MEMO1: variants seen among roughly 807,000 people sequenced by gnomAD.
The protein encoded by MEMO1 is protein MEMO1.
A neutral mutation model predicts 45.2 loss-of-function variants in MEMO1; 6 were observed. That is an observed-to-expected ratio of 0.13 (90% CI 0.07 to 0.26). MEMO1 has a LOEUF of 0.26. Among genes scored for constraint, MEMO1 ranks in the 10% least tolerant of loss-of-function variants. MEMO1 has a pLI of 1.00. For synonymous variants in MEMO1, 78 were observed against 124.3 expected (o/e 0.63, Z 2.48); for missense variants, 184 against 370.5 (o/e 0.50, Z 4.13).
chr2:31,995,475 CA>C (rs1213323409), intron 2 of MEMO1, among the ~76,000 whole-genome samples: 1 of 151,788 alleles, frequency 6.6e-6, no homozygotes, highest in Non-Finnish European at 1.5e-5. Context: ...ATAAGACAAT[CA>C]AATGGAATAT....
intron 2 of MEMO1, among the ~76,000 whole-genome samples, chr2:31,969,839 TCCCA>T (rs570720485): frequency 8.4e-4 from 127 of 151,594 alleles, no homozygotes; most frequent in Admixed American, 2.0e-3. Context: ...CAAGCAATCC[TCCCA>T]CCTTGGCCCC....
rs146179291 is a variant in MEMO1 at position 31,912,251 on chromosome 2, G to A, written c.437+5675C>T. ...CTTGGGAGGCTGAGGCAGGAGAATC[G>A]CTTGAACCTGGGAGGTGGGGGTTGC... On this transcript the variant is annotated intron_variant, in intron 6 of 9. Coordinates refer to ENST00000404530, the MANE Select transcript of MEMO1 (RefSeq NM_001301833.4). 3.1e-3 allele frequency among the ~76,000 whole-genome samples: 467 copies of A among 151,940 alleles called. 2 individuals are homozygous for A. The highest frequency in any genetic ancestry group is 8.4e-3 in the African/African-American group (349 of 41,450).
Position 31,943,379 on chromosome 2 carries a change from C to A in MEMO1, c.66G>T (p.Pro22=). Residue 22 remains proline (P), a synonymous_variant, in exon 3 of 10, where the codon CCG becomes CCT. Coordinates refer to ENST00000404530, the MANE Select transcript of MEMO1 (RefSeq NM_001301833.4). The part of the protein sequence containing the change: ...HAGSWYTASG[P]QLNAQLEGWL... The stretch of plus-strand genomic sequence containing the variant: ...AACCTTCTAGCTGTGCATTCAGCTG[C>A]GGTCCTATAAAAAGACAAAGACAAA... The A allele has an allele frequency of 1.9e-6, 3 of 1,611,474 alleles. No individual in the cohort carries two copies. The highest frequency in any genetic ancestry group is 4.5e-5 in the East Asian group (2 of 44,874).
intron 2 of MEMO1, among the ~76,000 whole-genome samples, chr2:31,969,779 T>TC (rs1669164298): frequency 9.0e-6 from 1 of 111,120 alleles, no homozygotes; most frequent in Non-Finnish European, 1.9e-5. Flanking sequence ...CCAACTAACT[T>TC]TTTTTTTTTT....
chr2:31,875,185 C>G (rs1242144549), intron 8 of MEMO1, among the ~76,000 whole-genome samples: 1 of 151,968 alleles, frequency 6.6e-6, no homozygotes, highest in Non-Finnish European at 1.5e-5. Flanking sequence ...TAATATGAAG[C>G]AAATACTCAA....
chr2:31,964,627 G>T (rs1668397708), intron 2 of MEMO1, among the ~76,000 whole-genome samples: 3 of 152,090 alleles, frequency 2.0e-5, no homozygotes, highest in Admixed American at 6.6e-5. Context: ...CTTGCACCTG[G>T]GAGGCGGAGG....
intron 8 of MEMO1, among the ~76,000 whole-genome samples, chr2:31,881,605 G>A (rs957105828): frequency 8.0e-5 from 12 of 150,442 alleles, no homozygotes; most frequent in Non-Finnish European, 1.3e-4. Context: ...AAGGACAAAT[G>A]AAGAGAAAAA....
At chr2:31,924,365 C>G (rs901663404) in intron 4 of MEMO1, among the ~76,000 whole-genome samples, 1 of 151,698 alleles carries the variant, frequency 6.6e-6, no homozygotes, top group African/African-American at 2.4e-5. Context: ...GCCACTTTCT[C>G]TTCCTTTATT....
At chr2:31,883,559 C>G in intron 7 of MEMO1, 97 bp from the exon 8 acceptor site, 1 of 828,126 alleles carries the variant, frequency 1.2e-6, no homozygotes, top group Non-Finnish European at 1.9e-6. Flanking sequence ...TCATGAAAGG[C>G]AAAGCACAGC....
At chr2:31,961,155 C>T (rs970034067) in intron 2 of MEMO1, among the ~76,000 whole-genome samples, 39 of 151,930 alleles carry the variant, frequency 2.6e-4, no homozygotes, top group Non-Finnish European at 4.4e-5. Context: ...GTCAGGAGTT[C>T]GAGACCAGCC....
intron 8 of MEMO1, among the ~76,000 whole-genome samples, chr2:31,876,319 A>G (rs1443878028): frequency 6.6e-6 from 1 of 152,206 alleles, no homozygotes; most frequent in Non-Finnish European, 1.5e-5. Context: ...CTTATCATTC[A>G]GAACTCACTT....
chr2:32,004,047 T>C (rs978392634), intron 2 of MEMO1, among the ~76,000 whole-genome samples: 2 of 152,156 alleles, frequency 1.3e-5, no homozygotes, highest in African/African-American at 4.8e-5. Context: ...TAGCCAGGCA[T>C]GATAGTACAT....
chr2:31,950,972 C>T (rs926211604), intron 2 of MEMO1, among the ~76,000 whole-genome samples: 5 of 152,188 alleles, frequency 3.3e-5, no homozygotes, highest in African/African-American at 9.7e-5. Context: ...CATGATTCAA[C>T]ATTTTTTTAA....
intron 2 of MEMO1, among the ~76,000 whole-genome samples, chr2:31,992,001 C>A (rs1012823873): frequency 6.6e-6 from 1 of 152,156 alleles, no homozygotes; most frequent in African/African-American, 2.4e-5. Flanking sequence ...AGTAGCTCAA[C>A]CTTCGCTTGC....
At chr2:31,871,380 A>G (rs950203810) in intron 8 of MEMO1, among the ~76,000 whole-genome samples, 1 of 152,166 alleles carries the variant, frequency 6.6e-6, no homozygotes, top group Non-Finnish European at 1.5e-5. Context: ...CTGGAAAATG[A>G]CAGCAATCAG....
chr2:31,947,414 A>C (rs1217560474), intron 2 of MEMO1, among the ~76,000 whole-genome samples: 1 of 152,202 alleles, frequency 6.6e-6, no homozygotes, highest in Admixed American at 6.5e-5. Flanking sequence ...GTCAAGTAAA[A>C]AGGTGAATCT....
At chr2:31,913,519 T>G (rs1304973591) in intron 6 of MEMO1, among the ~76,000 whole-genome samples, 1 of 106,750 alleles carries the variant, frequency 9.4e-6, no homozygotes, top group Non-Finnish European at 1.9e-5. Flanking sequence ...GATTAAGAGT[T>G]TTTTTTTTTT....
intron 2 of MEMO1, among the ~76,000 whole-genome samples, chr2:31,977,832 C>T (rs1670184505): frequency 6.6e-6 from 1 of 152,126 alleles, no homozygotes; most frequent in Non-Finnish European, 1.5e-5. Flanking sequence ...CATACCCTTA[C>T]TTTTATTTTA....
intron 6 of MEMO1, among the ~76,000 whole-genome samples, chr2:31,907,248 C>T (rs1266734593): frequency 6.6e-6 from 1 of 152,134 alleles, no homozygotes; most frequent in Non-Finnish European, 1.5e-5. Context: ...GCTCCTGTAA[C>T]TCTTTAATTA....
Sources: gnomAD v4.1 joint callset for allele counts (sites outside exome capture counted in the v4.1 genomes callset) on GRCh38, gnomAD v4.1.1 for gene constraint, MANE v1.5 for transcripts, NCBI Gene and HGNC (gene_info 2026-07-23, HGNC 2026-07-21) for gene names.